ARHGEF2: variants seen among roughly 807,000 people sequenced by gnomAD.
The protein encoded by ARHGEF2 is rho guanine nucleotide exchange factor 2.
Under a neutral mutation model 121.0 loss-of-function variants are expected in ARHGEF2, and 22 were observed. That is an observed-to-expected ratio of 0.18 (90% CI 0.13 to 0.26). The LOEUF (loss-of-function observed/expected upper bound fraction) is 0.26, where lower values mean the gene tolerates loss of function less well. ARHGEF2 is among the 10% of genes least tolerant of loss of function. ARHGEF2 has a pLI of 1.00. For missense variants in ARHGEF2, 907 were observed against 1,336.0 expected (o/e 0.68, Z 5.01); for synonymous variants, 487 against 530.0 (o/e 0.92, Z 1.11).
chr1:155,950,154 T>C lies in ARHGEF2; in HGVS notation c.2887+145A>G, dbSNP rs1675113881. On this transcript the variant is annotated intron_variant, in intron 21 of 21. Transcript: ENST00000361247. The surrounding 1 kb of genome is among the most constrained non-coding windows in gnomAD (Gnocchi z 5.2). ...CTGCTTCCTAGACTTCCACCACCCA[T>C]TCATCATCAGACAAAACAGGAAGTC... The C allele has an allele frequency of 1.0e-6, 1 of 989,536 alleles. No homozygotes were observed. Among genetic ancestry groups the C allele is most frequent in the Non-Finnish European group, 1.5e-6 (1 of 670,168 alleles). The allele number at this position is 989,536 out of a possible 1,614,324, so 61.3% of individuals were successfully genotyped here. A position where few individuals can be genotyped will look rare whatever the true frequency, so the allele number is the denominator to read the frequency against.
intron 11 of ARHGEF2, among the ~76,000 whole-genome samples, chr1:155,960,955 C>G (rs557777767): frequency 1.2e-3 from 188 of 152,298 alleles, no homozygotes; most frequent in Non-Finnish European, 1.3e-3. Flanking sequence ...TGTCCTTCAC[C>G]GGCTCAGTCC....
intron 13 of ARHGEF2, among the ~76,000 whole-genome samples, chr1:155,955,311 C>T (rs975389447): frequency 1.3e-5 from 2 of 151,218 alleles, no homozygotes; most frequent in Non-Finnish European, 3.0e-5. Flanking sequence ...TTTTAGTAGA[C>T]ATGGGGTTTC....
Position 155,947,873 on chromosome 1 carries a change from G to T in ARHGEF2, c.*69C>A. The T allele has an allele frequency of 1.1e-6, 1 of 893,946 alleles. No homozygotes were observed. Among genetic ancestry groups the T allele is most frequent in the Non-Finnish European group, 1.7e-6 (1 of 579,526 alleles). The allele number at this position is 893,946 out of a possible 1,614,324, so 55.4% of individuals were successfully genotyped here. A position where few individuals can be genotyped will look rare whatever the true frequency, so the allele number is the denominator to read the frequency against. On this transcript the variant is annotated 3_prime_UTR_variant, in exon 22 of 22. Transcript: ENST00000361247. The stretch of plus-strand genomic sequence containing the variant: ...AATGTTCCCTCATCATTGGCAAATT[G>T]GAGTCCCCAAGGTTAGCCCCCTCAG...
chr1:155,951,949 G>C lies in ARHGEF2; in HGVS notation c.2142C>G (p.Leu714=), dbSNP rs369063221. ...GGCTAGAGTCTGAGTCAGCTCTGCA[G>C]AGTTCAATGGAGCCATTGAAGGTTC... ...EARTFNGSIE[L]CRADSDSSQR... Residue 714 remains leucine (L), a synonymous_variant, in exon 17 of 22, where the codon CTC becomes CTG. Coordinates refer to ENST00000361247, the MANE Select transcript of ARHGEF2 (RefSeq NM_001162383.2). The surrounding 1 kb of genome is among the most constrained non-coding windows in gnomAD (Gnocchi z 5.1). 81 of 1,613,950 alleles carry C rather than the reference G, an allele frequency of 5.0e-5. No homozygotes were observed. The highest frequency in any genetic ancestry group is 6.6e-5 in the Non-Finnish European group (78 of 1,180,020).
At position 155,966,491 on chromosome 1, in the gene ARHGEF2, A is replaced by G. The variant is rs1227930183; in HGVS notation, c.277-12T>C. ...GCCGCTTTCTGTTGCTGTGAGACAG[A>G]GAGCAGGAGAGAGATACCAAGAATG... On this transcript the variant is annotated splice_polypyrimidine_tract_variant and intron_variant, in intron 3 of 21. Coordinates refer to ENST00000361247, the MANE Select transcript of ARHGEF2 (RefSeq NM_001162383.2). The G allele has an allele frequency of 1.9e-6, 3 of 1,613,912 alleles. No homozygotes were observed. Among genetic ancestry groups the G allele is most frequent in the Non-Finnish European group, 2.5e-6 (3 of 1,179,936 alleles).
At position 155,962,156 on chromosome 1, in the gene ARHGEF2, G is replaced by A; in HGVS notation, c.1168C>T (p.Arg390Cys). Residue 390 changes from arginine (R) to cysteine (C), a missense_variant, in exon 10 of 22, where the codon CGC (arginine) becomes TGC (cysteine). By Grantham distance (180) the Arg-to-Cys change is radical. Around this residue, in one of 2 missense-constraint regions of ARHGEF2, gnomAD observed 475 missense variants for 776.5 expected, o/e 0.61. Transcript: ENST00000361247. This position sits in a 1 kb window ranked among gnomAD's most constrained non-coding sequence, Gnocchi z 5.8. ...ATGAGTAACGGGTACTTGGTGATGC[G>A]CTGAGTCACCAGCAGGATGCACTCC... ...VQECILLVTQ[R>C]ITKYPLLISR... The A allele has an allele frequency of 1.2e-6, 2 of 1,614,178 alleles. No individual in the cohort carries two copies. The highest frequency in any genetic ancestry group is 1.7e-6 in the Non-Finnish European group (2 of 1,180,028).
In ARHGEF2 at chr1:155,971,098, C is replaced by T. The variant is rs1466035270; in HGVS notation, c.64-1798G>A. The T allele has an allele frequency of 1.5e-5, 15 of 985,896 alleles. No individual in the cohort carries two copies. In the Admixed American group the frequency reaches 1.8e-4, roughly 12 times the overall value. 61.1% of individuals were successfully genotyped at this position (985,896 alleles called of 1,614,324 possible). On this transcript the variant is annotated intron_variant, in intron 1 of 21. Coordinates refer to ENST00000361247, the MANE Select transcript of ARHGEF2 (RefSeq NM_001162383.2). ...ACAGCCTCTCCTCCCCTCCTCCTCA[C>T]GCAGGCCAACTGCTCCTCTACCTAG...
chr1:155,969,854 G>A (rs2102683350), intron 1 of ARHGEF2: 1 of 985,830 alleles, frequency 1.0e-6, no homozygotes, highest in Non-Finnish European at 1.2e-6. Context: ...GGGGCAGAAT[G>A]CCTCCCCTGC....
At chr1:155,949,094 CA>C (rs1198260703) in intron 21 of ARHGEF2, among the ~76,000 whole-genome samples, 3 of 150,368 alleles carry the variant, frequency 2.0e-5, no homozygotes, top group Admixed American at 6.6e-5. Context: ...CTAAAAAATA[CA>C]AAAAAAATTA....
intron 13 of ARHGEF2, among the ~76,000 whole-genome samples, 168 bp downstream of exon 13, chr1:155,957,545 A>C (rs1208427207): frequency 6.6e-6 from 1 of 152,232 alleles, no homozygotes; most frequent in African/African-American, 2.4e-5. Context: ...TTTACAGGAC[A>C]TAAGAACATA....
intron 13 of ARHGEF2, among the ~76,000 whole-genome samples, chr1:155,955,480 C>T (rs925107279): frequency 1.3e-5 from 2 of 152,024 alleles, no homozygotes; most frequent in South Asian, 2.1e-4. Flanking sequence ...CTCCAAAGGT[C>T]GCTTGGAAAG....
At chr1:155,960,239 A>G (rs1198972458) in intron 11 of ARHGEF2, among the ~76,000 whole-genome samples, 1 of 152,164 alleles carries the variant, frequency 6.6e-6, no homozygotes, top group African/African-American at 2.4e-5. Flanking sequence ...CTGAGGCAGG[A>G]GAATCACTTG....
At chr1:155,969,912 C>G in intron 1 of ARHGEF2, 2 of 985,456 alleles carry the variant, frequency 2.0e-6, no homozygotes, top group Non-Finnish European at 2.4e-6. Context: ...CTCTTTTCAC[C>G]AACCCTCAGC....
Position 155,978,195 on chromosome 1 carries a change from C to A in ARHGEF2, c.63+170G>T. 1 of 1,302,520 alleles carries A rather than the reference C, an allele frequency of 7.7e-7. No homozygotes were observed. The allele number at this position is 1,302,520 out of a possible 1,614,324, so 80.7% of individuals were successfully genotyped here. On this transcript the variant is annotated intron_variant, in intron 1 of 21. Coordinates refer to ENST00000361247, the MANE Select transcript of ARHGEF2 (RefSeq NM_001162383.2). This position sits in a 1 kb window ranked among gnomAD's most constrained non-coding sequence, Gnocchi z 4.1. Reference sequence around the variant, plus strand: ...GCGTCTGCCGCTCCCCCCACCCCTACCCACTCGCTCGCAGTCCCCACCCAC... The same window carrying A: ...GCGTCTGCCGCTCCCCCCACCCCTAACCACTCGCTCGCAGTCCCCACCCAC...
intron 1 of ARHGEF2, chr1:155,969,926 G>A (rs953909593): frequency 1.9e-5 from 19 of 985,274 alleles, no homozygotes; most frequent in South Asian, 4.7e-5. Context: ...CCTCAGCCAC[G>A]GCACACAGGG....
In ARHGEF2 at chr1:155,961,080, T is replaced by C. The variant is rs1470186890; in HGVS notation, c.1468+581A>G. On this transcript the variant is annotated intron_variant, in intron 11 of 21. Transcript: ENST00000361247. This position sits in a 1 kb window ranked among gnomAD's most constrained non-coding sequence, Gnocchi z 4.7. The stretch of plus-strand genomic sequence containing the variant: ...GATCCTGTCCTCCAGTCTGAGAGCT[T>C]CTTTGTCTTCCTCAGTAAAACTAGT... Among the ~76,000 whole-genome samples, 1 of 152,102 alleles carries C rather than the reference T, an allele frequency of 6.6e-6. No individual in the cohort carries two copies. The highest frequency in any genetic ancestry group is 1.5e-5 in the Non-Finnish European group (1 of 68,006).
chr1:155,955,935 C>T (rs1020443469), intron 13 of ARHGEF2, among the ~76,000 whole-genome samples: 2 of 151,910 alleles, frequency 1.3e-5, no homozygotes, highest in Non-Finnish European at 2.9e-5. Flanking sequence ...AGGCTGGTCT[C>T]GAACTCCAGT....
chr1:155,949,916 A>T (rs770566495), intron 21 of ARHGEF2, among the ~76,000 whole-genome samples: 9 of 152,174 alleles, frequency 5.9e-5, no homozygotes, highest in South Asian at 2.1e-4. Context: ...ATAAAATAAA[A>T]AAATAAATAA....
At chr1:155,975,141 T>G (rs891753241) in intron 1 of ARHGEF2, among the ~76,000 whole-genome samples, 3 of 152,168 alleles carry the variant, frequency 2.0e-5, no homozygotes, top group Non-Finnish European at 4.4e-5. Context: ...ATGAAGCTAC[T>G]TCCTCGTGGC....
Sources: gnomAD v4.1 joint callset for allele counts (sites outside exome capture counted in the v4.1 genomes callset) on GRCh38, gnomAD v4.1.1 for gene constraint, gnomAD v4.1.1 regional missense constraint, Gnocchi (gnomAD v3.1) non-coding constraint, MANE v1.5 for transcripts, NCBI Gene and HGNC (gene_info 2026-07-23, HGNC 2026-07-21) for gene names.